PRSS55: variants seen among roughly 807,000 people sequenced by gnomAD.
The protein encoded by PRSS55 is probable serine protease UNQ9391/PRO34284.
In PRSS55, 41 loss-of-function variants were observed where a neutral mutation model predicts 23.6. The observed-to-expected ratio is 1.74, with a 90% CI of 1.35 to 2.26. PRSS55 has a LOEUF of 2.26. PRSS55 is among the 30% of genes most tolerant of loss of function. The pLI, the probability that PRSS55 is intolerant of heterozygous loss-of-function variation, is 0.00. For missense variants in PRSS55, 669 were observed against 439.1 expected (o/e 1.52, Z -4.68); for synonymous variants, 262 against 175.5 (o/e 1.49, Z -3.90).
chr8:10,548,449 A>C (rs1563550410), intron 4 of PRSS55, among the ~76,000 whole-genome samples: 2 of 151,978 alleles, frequency 1.3e-5, no homozygotes, highest in South Asian at 4.2e-4. Context: ...CTGGGCCCTC[A>C]CGGGTGGGGC....
intron 4 of PRSS55, among the ~76,000 whole-genome samples, chr8:10,550,198 C>T (rs1234769482): frequency 6.6e-6 from 1 of 152,200 alleles, no homozygotes; most frequent in Non-Finnish European, 1.5e-5. Flanking sequence ...GCTGGGATTA[C>T]AGCTGTGAGC....
intron 4 of PRSS55, 49 bp downstream of exon 4, chr8:10,533,097 A>T (rs1219950698): frequency 1.3e-6 from 2 of 1,594,392 alleles, no homozygotes; most frequent in Non-Finnish European, 1.7e-6. Context: ...ACCCTCTGGG[A>T]ACTGCCAGTG....
intron 4 of PRSS55, among the ~76,000 whole-genome samples, chr8:10,553,291 G>A (rs1242996306): frequency 1.3e-5 from 2 of 152,228 alleles, no homozygotes; most frequent in African/African-American, 2.4e-5. Flanking sequence ...CTCCAGTCAT[G>A]TGGAACTGTG....
chr8:10,533,542 A>G (rs1327665881), intron 4 of PRSS55, among the ~76,000 whole-genome samples: 1 of 152,220 alleles, frequency 6.6e-6, no homozygotes, highest in Non-Finnish European at 1.5e-5. Flanking sequence ...CACTGAACCA[A>G]AGACTGGTCT....
chr8:10,546,110 G>A (rs998593845), intron 4 of PRSS55, among the ~76,000 whole-genome samples: 3 of 152,120 alleles, frequency 2.0e-5, no homozygotes, highest in Non-Finnish European at 2.9e-5. Context: ...AGGGGAACTA[G>A]GCTCCCCTGA....
rs145960855 is a variant in PRSS55 at position 10,528,273 on chromosome 8, T to C, written c.155-1234T>C. 4.4e-4 allele frequency among the ~76,000 whole-genome samples: 67 copies of C among 151,312 alleles called. No individual in the cohort carries two copies. The East Asian group carries it at 0.012, about 28-fold the overall frequency. On this transcript the variant is annotated intron_variant, in intron 1 of 4. Transcript: ENST00000328655. ...GAGAGCAGAAGGCTCTGGATGCACA[T>C]TGCTAAGTTCTCACTCCCGTATTTT... is the stretch of plus-strand genomic sequence containing the variant.
chr8:10,538,775 C>G lies in PRSS55; in HGVS notation c.1041C>G (p.Phe347Leu). Residue 347 changes from phenylalanine (F) to leucine (L), a missense_variant, in exon 5 of 5, where the codon TTC becomes TTG. Phe to Leu is a conservative substitution (Grantham distance 22). Coordinates refer to ENST00000328655, the MANE Select transcript of PRSS55 (RefSeq NM_198464.4). ...LLLCPLSHVL[F>L]RAILY is the part of the protein sequence containing the mutation. Reference sequence around the variant, plus strand: ...TCTGTCCCCTGTCCCATGTGTTGTTCAGAGCTATTTTGTACTGATAATAAA... The same window carrying G: ...TCTGTCCCCTGTCCCATGTGTTGTTGAGAGCTATTTTGTACTGATAATAAA... The G allele has an allele frequency of 6.3e-7, 1 of 1,586,922 alleles. No homozygotes were observed. The highest frequency in any genetic ancestry group is 8.6e-7 in the Non-Finnish European group (1 of 1,169,242).
chr8:10,531,254 C>T lies in PRSS55; in HGVS notation c.348-41C>T. On this transcript the variant is annotated intron_variant, in intron 2 of 4. Coordinates refer to ENST00000328655, the MANE Select transcript of PRSS55 (RefSeq NM_198464.4). Reference sequence around the variant, plus strand: ...CAATTCTGCCGCTTTTGAGACTTCCCTTCCCCTTCCACTTGCCCCTCTCTG... The same window carrying T: ...CAATTCTGCCGCTTTTGAGACTTCCTTTCCCCTTCCACTTGCCCCTCTCTG... 2.5e-6 allele frequency: 4 copies of T among 1,608,192 alleles called. No individual in the cohort carries two copies. The South Asian group carries it at 4.4e-5, about 18-fold the overall frequency.
rs1563543526 is a variant in PRSS55 at position 10,538,594 on chromosome 8, CGTT to C, written c.862_864del (p.Leu288del). 2 of 1,614,114 alleles carry C rather than the reference CGTT, an allele frequency of 1.2e-6. No homozygotes were observed. The highest frequency in any genetic ancestry group is 1.7e-5 in the Admixed American group (1 of 60,022). On this transcript the variant is annotated inframe_deletion, in exon 5 of 5. Coordinates refer to ENST00000328655, the MANE Select transcript of PRSS55 (RefSeq NM_198464.4). ...AAGAACACCCCAGGGATATACACCT[CGTT>C]GGTGAACTACAACCTCTGGATCGAG...
chr8:10,539,343 C>A (rs1390137977), downstream of PRSS55, among the ~76,000 whole-genome samples: 1 of 152,224 alleles, frequency 6.6e-6, no homozygotes, highest in Non-Finnish European at 1.5e-5. Context: ...CAAAGATACC[C>A]TCCAAGTTGA....
chr8:10,537,550 G>C (rs1812499161), intron 4 of PRSS55, among the ~76,000 whole-genome samples: 1 of 148,616 alleles, frequency 6.7e-6, no homozygotes, highest in African/African-American at 2.5e-5. Context: ...ACAATAAAGT[G>C]ATTATAGACA....
At chr8:10,553,990 A>C (rs538664795) in exon 5 of PRSS55, 1 of 1,532,736 alleles carries the variant, frequency 6.5e-7, no homozygotes, top group Non-Finnish European at 8.7e-7. Flanking sequence ...GAAGCTCTCA[A>C]ACAAAGCCGC....
chr8:10,553,651 A>G (rs532165768), intron 4 of PRSS55, among the ~76,000 whole-genome samples: 37 of 152,336 alleles, frequency 2.4e-4, no homozygotes, highest in African/African-American at 8.4e-4. Context: ...GGAGGGGGAA[A>G]TGGTCAAAGG....
chr8:10,530,044 G>A (rs992199490), intron 2 of PRSS55, among the ~76,000 whole-genome samples: 1 of 152,182 alleles, frequency 6.6e-6, no homozygotes, highest in Non-Finnish European at 1.5e-5. Context: ...TGTAATTCTG[G>A]AAGCCTGACT....
At chr8:10,530,398 C>G (rs551237836) in intron 2 of PRSS55, among the ~76,000 whole-genome samples, 152 of 152,336 alleles carry the variant, frequency 1.0e-3, no homozygotes, top group Non-Finnish European at 1.9e-3. Flanking sequence ...TTGCTTGAAC[C>G]CAGGAGGCAG....
At chr8:10,540,813 A>C (rs909753206), downstream of PRSS55, 1 of 152,146 alleles carries the variant, frequency 6.6e-6, no homozygotes, top group Non-Finnish European at 1.5e-5. Context: ...TCTAGAAGCC[A>C]TTTTTTCAGA....
intron 4 of PRSS55, among the ~76,000 whole-genome samples, chr8:10,534,667 G>A (rs145370227): frequency 3.4e-4 from 52 of 152,294 alleles, no homozygotes; most frequent in African/African-American, 1.1e-3. Flanking sequence ...ACACAATGAT[G>A]CCCTCTTTCA....
chr8:10,534,145 T>C (rs573857426), intron 4 of PRSS55, among the ~76,000 whole-genome samples: 1 of 152,130 alleles, frequency 6.6e-6, no homozygotes, highest in African/African-American at 2.4e-5. Flanking sequence ...CAAAAAAACA[T>C]GCACACAGAA....
rs376618750 is a variant in PRSS55 at position 10,532,888 on chromosome 8, G to T, written c.599-18G>T. 10 of 1,613,926 alleles carry T rather than the reference G, an allele frequency of 6.2e-6. No homozygotes were observed. Among genetic ancestry groups the T allele is most frequent in the Non-Finnish European group, 7.6e-6 (9 of 1,179,974 alleles). Reference sequence around the variant, plus strand: ...TGAGGCCCAGTGGCTTCTCTAATGCGCTTTCTCTCTGGGCCAGCTGACAAA... The same window carrying T: ...TGAGGCCCAGTGGCTTCTCTAATGCTCTTTCTCTCTGGGCCAGCTGACAAA... On this transcript the variant is annotated intron_variant, in intron 3 of 4. Coordinates refer to ENST00000328655, the MANE Select transcript of PRSS55 (RefSeq NM_198464.4).
Sources: gnomAD v4.1 joint callset for allele counts (sites outside exome capture counted in the v4.1 genomes callset) on GRCh38, gnomAD v4.1.1 for gene constraint, MANE v1.5 for transcripts, NCBI Gene and HGNC (gene_info 2026-07-23, HGNC 2026-07-21) for gene names.